Variants in TFCP2 observed in about 807,000 individuals in gnomAD.
TFCP2 encodes the protein transcription factor CP2.
TFCP2 carries 33 observed loss-of-function variants against 73.4 expected under a neutral mutation model. The observed-to-expected ratio is 0.45, with a 90% confidence interval of 0.34 to 0.60. The LOEUF is 0.60. TFCP2 is among the 20% of genes least tolerant of loss of function. The pLI, the probability that TFCP2 is intolerant of heterozygous loss-of-function variation, is 0.01. For missense variants in TFCP2, 352 were observed against 604.0 expected, an observed-to-expected ratio of 0.58 and a Z score of 4.37; for synonymous variants, 193 against 211.6, an observed-to-expected ratio of 0.91 and a Z score of 0.76.
At chr12:51,159,460 G>A (rs899298276) in intron 1 of TFCP2, among the ~76,000 whole-genome samples, 2 of 150,862 alleles carry the variant, frequency 1.3e-5, no homozygotes, top group Non-Finnish European at 1.5e-5. Context: ...TGCCTCAGCC[G>A]CCCAAGTAGC....
At chr12:51,137,328 T>A (rs6580793) in intron 1 of TFCP2, among the ~76,000 whole-genome samples, 25,536 of 152,176 alleles carry the variant, frequency 0.17, 2,388 homozygotes, top group South Asian at 0.26. Context: ...TGTGCTTTTA[T>A]TTTCCTTTAG....
At chr12:51,170,742 C>T (rs373666544) in intron 1 of TFCP2, among the ~76,000 whole-genome samples, 3 of 151,536 alleles carry the variant, frequency 2.0e-5, no homozygotes, top group Non-Finnish European at 4.4e-5. Context: ...TGCAATGATG[C>T]GATCTCTGCT....
At chr12:51,160,206 G>A (rs973822412) in intron 1 of TFCP2, among the ~76,000 whole-genome samples, 6 of 143,740 alleles carry the variant, frequency 4.2e-5, no homozygotes, top group Non-Finnish European at 7.5e-5. Context: ...CACAATTTAC[G>A]CTCACTGCAA....
At chr12:51,146,254 G>A (rs1162184894) in intron 1 of TFCP2, among the ~76,000 whole-genome samples, 2 of 151,910 alleles carry the variant, frequency 1.3e-5, no homozygotes, top group Non-Finnish European at 2.9e-5. Context: ...GCTGCAGTGA[G>A]TCAAGCTTGT....
chr12:51,118,283 G>A (rs778697613), intron 2 of TFCP2, among the ~76,000 whole-genome samples: 13 of 152,166 alleles, frequency 8.5e-5, no homozygotes, highest in Admixed American at 2.6e-4. Context: ...GGCCGGGCAC[G>A]GTGGCTCACG....
At chr12:51,133,697 C>T (rs565424524) in intron 1 of TFCP2, among the ~76,000 whole-genome samples, 2 of 152,166 alleles carry the variant, frequency 1.3e-5, no homozygotes, top group Admixed American at 6.5e-5. Context: ...GAGGCTGAGG[C>T]GGGCAGATCA....
rs939670299 is a variant in TFCP2 at position 51,123,524 on chromosome 12, T to G, written c.123-4752A>C. The stretch of plus-strand genomic sequence containing the variant: ...ACCCATTCTGGTAGATTCTAAGTAG[T>G]TGCTGCCAATGTATAATTTAACATT... On this transcript the variant is annotated intron_variant, in intron 1 of 14. Coordinates refer to ENST00000257915, the MANE Select transcript of TFCP2 (RefSeq NM_005653.5). Among the ~76,000 whole-genome samples the G allele has an allele frequency of 2.0e-5, 3 of 152,360 alleles. No individual in the cohort carries two copies. In the East Asian group the frequency reaches 5.8e-4, roughly 29 times the overall value.
At chr12:51,128,694 C>T (rs1940870342) in intron 1 of TFCP2, among the ~76,000 whole-genome samples, 1 of 152,158 alleles carries the variant, frequency 6.6e-6, no homozygotes, top group Non-Finnish European at 1.5e-5. Context: ...TAAGTGGCTT[C>T]ACAGACAACT....
intron 1 of TFCP2, among the ~76,000 whole-genome samples, chr12:51,144,041 A>AT (rs1012952990): frequency 3.8e-4 from 57 of 151,708 alleles, no homozygotes; most frequent in Middle Eastern, 3.4e-3. Context: ...CTTAAAAAAA[A>AT]TTTTTTTTTG....
intron 1 of TFCP2, among the ~76,000 whole-genome samples, chr12:51,142,000 T>C (rs1305008585): frequency 6.6e-6 from 1 of 151,072 alleles, no homozygotes; most frequent in Non-Finnish European, 1.5e-5. Context: ...GTCAGGAGTT[T>C]GAGACCAGCC....
chr12:51,115,064 GAAA>G (rs71089747), intron 4 of TFCP2, among the ~76,000 whole-genome samples: 1 of 68,056 alleles, frequency 1.5e-5, no homozygotes, highest in Non-Finnish European at 2.5e-5. Flanking sequence ...TCCATCTCAG[GAAA>G]AAAAAAAAAA....
At chr12:51,102,800 C>A (rs970525785) in intron 10 of TFCP2, among the ~76,000 whole-genome samples, 1 of 152,106 alleles carries the variant, frequency 6.6e-6, no homozygotes, top group South Asian at 2.1e-4. Context: ...CTCCCATGAA[C>A]GTCTTACTGT....
intron 1 of TFCP2, among the ~76,000 whole-genome samples, chr12:51,140,966 G>A (rs1941180608): frequency 6.6e-6 from 1 of 151,954 alleles, no homozygotes; most frequent in Admixed American, 6.6e-5. Flanking sequence ...TGAGGCAGGT[G>A]AATCGCTTGA....
chr12:51,124,576 G>GT, intron 1 of TFCP2: 1 of 494,134 alleles, frequency 2.0e-6, no homozygotes, highest in Non-Finnish European at 4.0e-6. Flanking sequence ...TGCAGGCAGG[G>GT]TGGGCCCTCA....
chr12:51,119,751 A>C (rs933217952), intron 1 of TFCP2, among the ~76,000 whole-genome samples: 1 of 147,838 alleles, frequency 6.8e-6, no homozygotes, highest in Non-Finnish European at 1.5e-5. Context: ...ACTCCATCTC[A>C]AAAAAAAAAA....
Position 51,109,113 on chromosome 12 carries a change from AG to A in TFCP2, c.717+7del. The A allele has an allele frequency of 6.2e-7, 1 of 1,614,016 alleles. No individual in the cohort carries two copies. The highest frequency in any genetic ancestry group is 8.5e-7 in the Non-Finnish European group (1 of 1,179,870). ...GAATCCAAGGGCCAGCACATTGCCC[AG>A]GAATACCTTGAAAACTTTGATCTGG... is the stretch of plus-strand genomic sequence containing the variant. On this transcript the variant is annotated splice_region_variant and intron_variant, in intron 6 of 14. Coordinates refer to ENST00000257915, the MANE Select transcript of TFCP2 (RefSeq NM_005653.5).
intron 3 of TFCP2, among the ~76,000 whole-genome samples, chr12:51,116,859 C>T (rs76958506): frequency 0.15 from 22,222 of 152,084 alleles, 2,065 homozygotes; most frequent in East Asian, 0.49. Flanking sequence ...TCAGGCGACC[C>T]GCCCGCCTCA....
At chr12:51,137,644 A>G (rs938869830) in intron 1 of TFCP2, among the ~76,000 whole-genome samples, 1 of 152,170 alleles carries the variant, frequency 6.6e-6, no homozygotes, top group African/African-American at 2.4e-5. Flanking sequence ...AATTTCTGAA[A>G]TCACTGACTC....
intron 1 of TFCP2, among the ~76,000 whole-genome samples, chr12:51,171,988 T>C (rs538336141): frequency 7.2e-5 from 11 of 152,238 alleles, no homozygotes; most frequent in African/African-American, 2.4e-4. Context: ...ACGTCAGACT[T>C]ACCCACACAT....
Sources: gnomAD v4.1 joint callset for allele counts (sites outside exome capture counted in the v4.1 genomes callset) on GRCh38, gnomAD v4.1.1 for gene constraint, MANE v1.5 for transcripts, NCBI Gene and HGNC (gene_info 2026-07-23, HGNC 2026-07-21) for gene names.